The following SP140 variants were observed in gnomAD, a reference collection of about 807,000 sequenced individuals.
SP140 encodes SP140 nuclear body protein.
In SP140, 81 loss-of-function variants were observed where a neutral mutation model predicts 125.0. The ratio of observed to expected loss-of-function variants is 0.65; its 90% CI spans 0.54 to 0.78. The LOEUF is 0.78. Among genes scored for constraint, SP140 ranks in the 30% least tolerant of loss-of-function variants. The probability of loss-of-function intolerance (pLI) is 0.00; values close to 1 mark genes in which losing one functional copy is unlikely to be tolerated. For missense variants in SP140, 858 were observed against 1,037.0 expected (o/e 0.83, Z 2.37); for synonymous variants, 312 against 354.0 (o/e 0.88, Z 1.33).
At chr2:230,285,694 C>A (rs368519641) in intron 16 of SP140, 58 bp from the exon 17 acceptor site, 5 of 1,402,568 alleles carry the variant, frequency 3.6e-6, no homozygotes, top group Non-Finnish European at 5.1e-6. Flanking sequence ...TTTGTTCCTG[C>A]CTGACAGCTG....
intron 7 of SP140, among the ~76,000 whole-genome samples, chr2:230,246,886 A>G (rs2049529795): frequency 6.6e-6 from 1 of 152,176 alleles, no homozygotes; most frequent in African/African-American, 2.4e-5. Flanking sequence ...TACACAGAGA[A>G]AAAGAGAAAG....
In SP140 at chr2:230,243,799, A is replaced by G; in HGVS notation, c.559A>G (p.Arg187Gly). The G allele has an allele frequency of 3.1e-6, 5 of 1,612,182 alleles. No homozygotes were observed. The highest frequency in any genetic ancestry group is 4.2e-6 in the Non-Finnish European group (5 of 1,178,560). Residue 187 changes from arginine to glycine, a missense_variant, in exon 5 of 27, where the codon AGG (arginine) becomes GGG (glycine). Arg to Gly is a moderately radical substitution (Grantham distance 125, BLOSUM62 -2). Coordinates refer to ENST00000392045, the MANE Select transcript of SP140 (RefSeq NM_007237.5). ...VPQEALSSSPRCEPGFSSESC... is the reference protein window; with the variant it reads ...VPQEALSSSPGCEPGFSSESC... ...TCAGGAAGCCTTGAGCTCCTCGCCA[A>G]GGTGTGAGCCAGGTAAGGAAGGAGT...
chr2:230,264,230 C>A (rs919858061), intron 12 of SP140, among the ~76,000 whole-genome samples: 1 of 152,114 alleles, frequency 6.6e-6, no homozygotes, highest in African/African-American at 2.4e-5. Context: ...TCTTTGAGCT[C>A]TGAATTTCTT....
At chr2:230,207,961 C>T (rs747025509) in intron 1 of SP140, 8 of 1,158,440 alleles carry the variant, frequency 6.9e-6, no homozygotes, top group Admixed American at 5.4e-5. Flanking sequence ...TGTTTCCAGC[C>T]TCCAGCTTCC....
chr2:230,192,090 C>T, the SP140 span, among the ~76,000 whole-genome samples: 1 of 152,174 alleles, frequency 6.6e-6, no homozygotes, highest in African/African-American at 2.4e-5. Flanking sequence ...TACATCCCTT[C>T]ATGTTAAAAA....
chr2:230,187,809 T>G, the SP140 span, among the ~76,000 whole-genome samples: 2 of 152,318 alleles, frequency 1.3e-5, no homozygotes, highest in East Asian at 3.9e-4. Context: ...TTTAAGTATT[T>G]GGCTTTATTT....
chr2:230,220,292 G>C (rs187817866), intron 3 of SP140, among the ~76,000 whole-genome samples: 32 of 152,252 alleles, frequency 2.1e-4, no homozygotes, highest in Admixed American at 2.1e-3. Context: ...CCCATGACTT[G>C]TCCTCATTCT....
At chr2:230,186,807 TTTAAG>T in the SP140 span, among the ~76,000 whole-genome samples, 1 of 152,202 alleles carries the variant, frequency 6.6e-6, no homozygotes, top group African/African-American at 2.4e-5. Context: ...TCCAGCTCCA[TTTAAG>T]TTGCTGCAAA....
At chr2:230,245,695 A>G (rs1351838745) in intron 6 of SP140, among the ~76,000 whole-genome samples, 168 bp from the exon 7 acceptor site, 6 of 151,954 alleles carry the variant, frequency 3.9e-5, no homozygotes, top group African/African-American at 1.4e-4. Context: ...AGAGAGGGGA[A>G]AGGGGCCTGA....
rs2053637225 is a variant in SP140, at chr2:230,269,718, G to A, written c.1327+100G>A. The A allele has an allele frequency of 7.5e-6, 8 of 1,061,660 alleles. No homozygotes were observed. In the Admixed American group the frequency reaches 1.0e-4, roughly 14 times the overall value. 65.8% of individuals were successfully genotyped at this position (1,061,660 alleles called of 1,614,324 possible). On this transcript the variant is annotated intron_variant, in intron 13 of 26. Transcript: ENST00000392045. ...TTAAAGGAAGAGTCAAATATAAGGAGGAGCAGTGAAAGGAGAAGATTTCAG... is the reference window on the plus strand; with the variant it reads ...TTAAAGGAAGAGTCAAATATAAGGAAGAGCAGTGAAAGGAGAAGATTTCAG...
chr2:230,296,715 G>A (rs1388583042), intron 21 of SP140, among the ~76,000 whole-genome samples: 1 of 152,180 alleles, frequency 6.6e-6, no homozygotes, highest in Non-Finnish European at 1.5e-5. Flanking sequence ...GGAGGCTGTG[G>A]GAGATAAGTC....
chr2:230,208,940 G>T (rs565575994), intron 1 of SP140, among the ~76,000 whole-genome samples: 11 of 152,286 alleles, frequency 7.2e-5, no homozygotes, highest in African/African-American at 2.6e-4. Flanking sequence ...TAAAAAGCTG[G>T]GAAGCAAAGA....
intron 3 of SP140, among the ~76,000 whole-genome samples, chr2:230,217,954 C>T (rs951915738): frequency 2.6e-5 from 4 of 152,226 alleles, no homozygotes; most frequent in Admixed American, 6.5e-5. Context: ...GAAAGGCATA[C>T]TTAGTAAAAG....
intron 15 of SP140, among the ~76,000 whole-genome samples, chr2:230,276,652 T>C (rs1340315322): frequency 6.6e-6 from 1 of 152,124 alleles, no homozygotes; most frequent in Non-Finnish European, 1.5e-5. Flanking sequence ...AAGAAACACA[T>C]GTTGTAATGC....
intron 12 of SP140, among the ~76,000 whole-genome samples, chr2:230,259,790 A>ATATATATATATATATATATC: frequency 9.0e-6 from 1 of 111,598 alleles, no homozygotes; most frequent in Non-Finnish European, 2.0e-5. Context: ...ATATATATAT[A>ATATATATATATATATATATC]TATATACCAC....
intron 19 of SP140, among the ~76,000 whole-genome samples, chr2:230,291,817 T>C (rs1358916386): frequency 6.6e-6 from 1 of 152,222 alleles, no homozygotes; most frequent in Non-Finnish European, 1.5e-5. Context: ...GTTTAATTTA[T>C]TGAGGAATCA....
intron 22 of SP140, among the ~76,000 whole-genome samples, chr2:230,299,126 G>A (rs1203851633): frequency 6.6e-6 from 1 of 152,190 alleles, no homozygotes; most frequent in Non-Finnish European, 1.5e-5. Context: ...AGAACAGCGT[G>A]TTGAGACTCA....
chr2:230,265,320 C>T (rs1302997925), intron 12 of SP140, among the ~76,000 whole-genome samples: 1 of 152,090 alleles, frequency 6.6e-6, no homozygotes, highest in Non-Finnish European at 1.5e-5. Flanking sequence ...CACCATGCCC[C>T]GCCCCAACAG....
At chr2:230,282,706 A>G (rs546883174) in intron 15 of SP140, among the ~76,000 whole-genome samples, 224 of 152,332 alleles carry the variant, frequency 1.5e-3, no homozygotes, top group African/African-American at 5.2e-3. Context: ...CCTCTAAGGT[A>G]CAAGTCCTTA....
Sources: allele counts gnomAD v4.1 joint callset (sites outside exome capture counted in the v4.1 genomes callset), GRCh38; gene constraint gnomAD v4.1.1; transcripts MANE v1.5; gene names NCBI Gene and HGNC (gene_info 2026-07-23, HGNC 2026-07-21).